Variants in AGBL1 observed in about 807,000 individuals in gnomAD.
AGBL1 encodes the protein AGBL carboxypeptidase 1, also known as cytosolic carboxypeptidase 4.
In AGBL1, 130 loss-of-function variants were observed where a neutral mutation model predicts 118.9. That is an observed-to-expected ratio of 1.09 (90% CI 0.95 to 1.26). AGBL1 has a LOEUF of 1.26. Ranked by LOEUF, AGBL1 falls within the 50% of genes most tolerant of loss-of-function variation. The probability of loss-of-function intolerance (pLI) is 0.00; values close to 1 mark genes in which losing one functional copy is unlikely to be tolerated. For synonymous variants in AGBL1, 555 were observed against 478.9 expected (o/e 1.16, Z -2.08); for missense variants, 1,584 against 1,298.1 (o/e 1.22, Z -3.38).
intron 21 of AGBL1, among the ~76,000 whole-genome samples, chr15:86,581,295 A>G (rs2084168865): frequency 6.6e-6 from 1 of 152,138 alleles, no homozygotes. Flanking sequence ...GACCACTTTT[A>G]TCTTAAACGT....
At chr15:86,165,062 T>C (rs965862057) in intron 5 of AGBL1, among the ~76,000 whole-genome samples, 2 of 152,110 alleles carry the variant, frequency 1.3e-5, no homozygotes, top group African/African-American at 2.4e-5. Flanking sequence ...TCTCATGTTA[T>C]GAGATTGTGG....
At chr15:86,501,973 T>A (rs1357817912) in intron 18 of AGBL1, among the ~76,000 whole-genome samples, 2 of 151,504 alleles carry the variant, frequency 1.3e-5, no homozygotes, top group African/African-American at 4.8e-5. Context: ...ATTTTGAAAA[T>A]AAAAAAACCC....
intron 18 of AGBL1, among the ~76,000 whole-genome samples, chr15:86,462,511 A>G (rs7175259): frequency 0.7 from 105,896 of 151,864 alleles, 38,426 homozygotes; most frequent in African/African-American, 0.87. Flanking sequence ...AGGTATACAC[A>G]TGCCATGGTG....
In AGBL1 at chr15:86,295,454, T is replaced by G. The variant is rs781528131; in HGVS notation, c.2374+46T>G. The G allele has an allele frequency of 2.0e-6, 3 of 1,506,046 alleles. No individual in the cohort carries two copies. The Admixed American group carries it at 6.8e-5, about 34-fold the overall frequency. 93.3% of individuals were successfully genotyped at this position (1,506,046 alleles called of 1,614,324 possible). A position where few individuals can be genotyped will look rare whatever the true frequency, so the allele number is the denominator to read the frequency against. On this transcript the variant is annotated intron_variant, in intron 17 of 22. Coordinates refer to ENST00000614907, the MANE Select transcript of AGBL1 (RefSeq NM_001386094.1). ...TTCGTAGAAGATTTGACTAAGGGTGTCCTTTATAGTCTTGGAAGCATTCTG... is the reference window on the plus strand; with the variant it reads ...TTCGTAGAAGATTTGACTAAGGGTGGCCTTTATAGTCTTGGAAGCATTCTG...
At chr15:86,674,933 C>T (rs777787785) in intron 22 of AGBL1, among the ~76,000 whole-genome samples, 6 of 152,084 alleles carry the variant, frequency 3.9e-5, no homozygotes, top group Non-Finnish European at 5.9e-5. Flanking sequence ...CTCAGAGAAC[C>T]GGACTCCCAG....
At chr15:86,631,980 A>G (rs200533742) in intron 21 of AGBL1, among the ~76,000 whole-genome samples, 3 of 151,712 alleles carry the variant, frequency 2.0e-5, no homozygotes, top group African/African-American at 4.8e-5. Flanking sequence ...TCTTGAAACC[A>G]AGAGTTTGAG....
At chr15:86,811,439 C>T (rs1038418177) in intron 22 of AGBL1, among the ~76,000 whole-genome samples, 4 of 152,120 alleles carry the variant, frequency 2.6e-5, no homozygotes, top group Non-Finnish European at 5.9e-5. Flanking sequence ...AGCTCTCTTC[C>T]CTGGCCTTAT....
At chr15:86,782,024 C>A (rs960435430) in intron 22 of AGBL1, among the ~76,000 whole-genome samples, 2 of 151,942 alleles carry the variant, frequency 1.3e-5, no homozygotes, top group Non-Finnish European at 2.9e-5. Flanking sequence ...TATTATAGAT[C>A]TTGGACTTCA....
chr15:86,270,598 C>T (rs2079144526), intron 14 of AGBL1, among the ~76,000 whole-genome samples: 1 of 152,220 alleles, frequency 6.6e-6, no homozygotes, highest in African/African-American at 2.4e-5. Context: ...ACAACTGCTG[C>T]ATCATATACT....
chr15:86,716,868 T>C (rs952562273), intron 22 of AGBL1, among the ~76,000 whole-genome samples: 3 of 152,340 alleles, frequency 2.0e-5, no homozygotes, highest in South Asian at 2.1e-4. Context: ...GGGTTGACTC[T>C]AAGGGCCTAC....
chr15:86,776,275 C>T lies in AGBL1; in HGVS notation c.3158+101839C>T, dbSNP rs77265722. On this transcript the variant is annotated intron_variant, in intron 22 of 22. Coordinates refer to ENST00000614907, the MANE Select transcript of AGBL1 (RefSeq NM_001386094.1). ...TGCCTTGTATAAAAGTTCTCTATGT[C>T]AGCAATTGAGAAGCAGAATTGCTGA... Among the ~76,000 whole-genome samples the T allele has an allele frequency of 7.1e-3, 1,081 of 152,218 alleles. 17 individuals are homozygous for T. The highest frequency in any genetic ancestry group is 0.024 in the African/African-American group (1,003 of 41,546).
At chr15:86,191,150 C>A (rs1360635827) in intron 5 of AGBL1, among the ~76,000 whole-genome samples, 1 of 150,576 alleles carries the variant, frequency 6.6e-6, no homozygotes, top group Non-Finnish European at 1.5e-5. Flanking sequence ...TTGAGTCCAG[C>A]CTGGCAACAT....
At chr15:86,553,984 C>T (rs371202611) in intron 20 of AGBL1, among the ~76,000 whole-genome samples, 143 of 152,184 alleles carry the variant, frequency 9.4e-4, no homozygotes, top group African/African-American at 3.3e-3. Context: ...CCTCAGCCTC[C>T]TGAGTAGCTG....
chr15:86,465,948 A>C (rs907133840), intron 18 of AGBL1, among the ~76,000 whole-genome samples: 5 of 152,098 alleles, frequency 3.3e-5, no homozygotes, highest in African/African-American at 1.2e-4. Context: ...CCCCTTTTGA[A>C]AATTGCTAAT....
intron 22 of AGBL1, among the ~76,000 whole-genome samples, chr15:86,885,702 T>C (rs2079959921): frequency 6.6e-6 from 1 of 152,158 alleles, no homozygotes; most frequent in Admixed American, 6.5e-5. Flanking sequence ...CTAACTAAAA[T>C]AGAATAAGAC....
chr15:86,504,547 T>G (rs1442100125), intron 18 of AGBL1, among the ~76,000 whole-genome samples: 1 of 151,706 alleles, frequency 6.6e-6, no homozygotes. Flanking sequence ...TATTTAAATT[T>G]GTTTTCATTA....
chr15:86,935,937 C>G (rs956456987), intron 23 of AGBL1, among the ~76,000 whole-genome samples: 1 of 152,238 alleles, frequency 6.6e-6, no homozygotes, highest in East Asian at 1.9e-4. Context: ...AAAAGATTCG[C>G]AACTGCAGCT....
chr15:86,291,893 C>G lies in AGBL1; in HGVS notation c.2221-3362C>G, dbSNP rs181552740. On this transcript the variant is annotated intron_variant, in intron 16 of 22. Coordinates refer to ENST00000614907, the MANE Select transcript of AGBL1 (RefSeq NM_001386094.1). ...GATGGACAATCATAACAATTACATA[C>G]AAAGATTTGGTTAGATACATGGGCC... Among the ~76,000 whole-genome samples, 232 of 152,278 alleles carry G rather than the reference C, an allele frequency of 1.5e-3. 1 individual carries two copies. The highest frequency in any genetic ancestry group is 5.9e-4 in the Non-Finnish European group (40 of 68,020).
intron 5 of AGBL1, among the ~76,000 whole-genome samples, chr15:86,202,029 T>C (rs1465628377): frequency 6.6e-6 from 1 of 152,044 alleles, no homozygotes; most frequent in South Asian, 2.1e-4. Flanking sequence ...CGCATGCCTG[T>C]AATCCTGTAA....
Sources: allele counts gnomAD v4.1 joint callset (sites outside exome capture counted in the v4.1 genomes callset), GRCh38; gene constraint gnomAD v4.1.1; transcripts MANE v1.5; gene names NCBI Gene and HGNC (gene_info 2026-07-23, HGNC 2026-07-21).